The following NINJ2 variants were observed in gnomAD, a reference collection of about 807,000 sequenced individuals.
NINJ2 encodes ninjurin-2.
In NINJ2, 12 loss-of-function variants were observed where a neutral mutation model predicts 11.7. That is an observed-to-expected ratio of 1.02 (90% CI 0.66 to 1.66). NINJ2 has a LOEUF of 1.66. Among genes scored for constraint, NINJ2 ranks in the 40% most tolerant of loss-of-function variants. The pLI, the probability that NINJ2 is intolerant of heterozygous loss-of-function variation, is 0.00. For synonymous variants in NINJ2, 93 were observed against 76.8 expected, an observed-to-expected ratio of 1.21 and a Z score of -1.10; for missense variants, 187 against 181.8, an observed-to-expected ratio of 1.03 and a Z score of -0.16.
rs1361948539 is a variant in NINJ2 at position 614,531 on chromosome 12, G to T, written c.34-48353C>A. On this transcript the variant is annotated intron_variant, in intron 1 of 3. Coordinates refer to ENST00000305108, the MANE Select transcript of NINJ2 (RefSeq NM_016533.6). The surrounding 1 kb of genome is among the most constrained non-coding windows in gnomAD (Gnocchi z 5.1). Reference sequence around the variant, plus strand: ...GATGGCACTCTTCCCTCACAGTCCTGCCGGGCCTGGCTCCCTCCCTCTGTC... The same window carrying T: ...GATGGCACTCTTCCCTCACAGTCCTTCCGGGCCTGGCTCCCTCCCTCTGTC... Among the ~76,000 whole-genome samples, 1 of 152,178 alleles carries T rather than the reference G, an allele frequency of 6.6e-6. No homozygotes were observed. The highest frequency in any genetic ancestry group is 6.5e-5 in the Admixed American group (1 of 15,268).
chr12:601,735 G>A (rs141922526), intron 1 of NINJ2, among the ~76,000 whole-genome samples: 1,952 of 151,520 alleles, frequency 0.013, 24 homozygotes, highest in Non-Finnish European at 0.02. Flanking sequence ...GTGTGGTGGC[G>A]GGTGCCTGTA....
chr12:654,674 ACCTGAGGTTG>A (rs1249771816), intron 1 of NINJ2, among the ~76,000 whole-genome samples: 1 of 151,434 alleles, frequency 6.6e-6, no homozygotes, highest in South Asian at 2.1e-4. Context: ...TGGGTGGATC[ACCTGAGGTTG>A]GGAGTTCAAG....
intron 1 of NINJ2, among the ~76,000 whole-genome samples, chr12:658,475 C>T (rs1937905548): frequency 6.6e-6 from 1 of 152,070 alleles, no homozygotes; most frequent in African/African-American, 2.4e-5. Context: ...ACTTCAGTGC[C>T]ATTACTGAGT....
intron 1 of NINJ2, among the ~76,000 whole-genome samples, chr12:656,533 A>T (rs1937875612): frequency 6.6e-6 from 1 of 151,328 alleles, no homozygotes; most frequent in Non-Finnish European, 1.5e-5. Context: ...GGTGGATCAC[A>T]AGTTCAGGAG....
chr12:613,522 T>C (rs1215168722), intron 1 of NINJ2, among the ~76,000 whole-genome samples: 3 of 152,046 alleles, frequency 2.0e-5, no homozygotes, highest in Admixed American at 6.6e-5. Context: ...GGCAGGAGAA[T>C]TGCTTGAACT....
At chr12:659,053 A>AATAT (rs34183190) in intron 1 of NINJ2, among the ~76,000 whole-genome samples, 15 of 145,366 alleles carry the variant, frequency 1.0e-4, no homozygotes, top group South Asian at 4.3e-4. Flanking sequence ...TATTATATAT[A>AATAT]ATATATATAT....
intron 1 of NINJ2, among the ~76,000 whole-genome samples, chr12:636,052 G>A (rs912216434): frequency 1.1e-4 from 16 of 152,012 alleles, no homozygotes; most frequent in Non-Finnish European, 2.2e-4. Context: ...ACGCCAGCCC[G>A]GGCAACAGAG....
chr12:629,499 C>T (rs570254888), intron 1 of NINJ2, among the ~76,000 whole-genome samples: 1 of 152,264 alleles, frequency 6.6e-6, no homozygotes, highest in East Asian at 1.9e-4. Flanking sequence ...CATGACAGTC[C>T]AGCAAGCTTG....
At chr12:639,510 A>G (rs1407639930) in intron 1 of NINJ2, among the ~76,000 whole-genome samples, 1 of 151,942 alleles carries the variant, frequency 6.6e-6, no homozygotes, top group Non-Finnish European at 1.5e-5. Context: ...TGTATGCCTC[A>G]GTGATGGATG....
At chr12:583,771 C>T (rs1172814501) in intron 1 of NINJ2, among the ~76,000 whole-genome samples, 1 of 152,200 alleles carries the variant, frequency 6.6e-6, no homozygotes, top group African/African-American at 2.4e-5. Context: ...GGCTTGAGGA[C>T]GCGGACACTT....
intron 1 of NINJ2, among the ~76,000 whole-genome samples, chr12:588,471 A>G (rs1335626870): frequency 1.3e-5 from 2 of 152,240 alleles, no homozygotes; most frequent in Non-Finnish European, 2.9e-5. Flanking sequence ...AACCCTGCAC[A>G]GAACACTTTA....
At chr12:641,207 T>A (rs913882504) in intron 1 of NINJ2, among the ~76,000 whole-genome samples, 3 of 152,216 alleles carry the variant, frequency 2.0e-5, no homozygotes, top group African/African-American at 7.2e-5. Context: ...TTTTCAAAAC[T>A]ACCGCTTCTC....
intron 1 of NINJ2, among the ~76,000 whole-genome samples, chr12:588,059 C>A (rs1947665126): frequency 6.6e-6 from 1 of 152,012 alleles, no homozygotes; most frequent in Admixed American, 6.5e-5. Context: ...AGTGTATCAT[C>A]CTTCCACTAT....
chr12:593,700 T>A (rs1214233310), intron 1 of NINJ2, among the ~76,000 whole-genome samples: 2 of 150,098 alleles, frequency 1.3e-5, no homozygotes, highest in Non-Finnish European at 3.0e-5. Flanking sequence ...GATGACAGAG[T>A]GAGACCCTGT....
At chr12:650,080 ATTT>A (rs11400576) in intron 1 of NINJ2, among the ~76,000 whole-genome samples, 1 of 144,220 alleles carries the variant, frequency 6.9e-6, no homozygotes. Flanking sequence ...AGATTAGTAG[ATTT>A]TTTTTTTTTT....
chr12:574,854 G>T (rs1482230112), intron 1 of NINJ2, among the ~76,000 whole-genome samples: 1 of 152,248 alleles, frequency 6.6e-6, no homozygotes, highest in Non-Finnish European at 1.5e-5. Context: ...ACCCTAGCTG[G>T]TCCTCCTCTG....
intron 1 of NINJ2, chr12:610,778 G>A (rs528875191): frequency 1.7e-5 from 5 of 293,574 alleles, no homozygotes; most frequent in African/African-American, 1.3e-4. Flanking sequence ...TTGTTGCCCA[G>A]GCTGGAGTGC....
intron 1 of NINJ2, among the ~76,000 whole-genome samples, chr12:658,706 C>T (rs921722834): frequency 6.6e-6 from 1 of 150,708 alleles, no homozygotes; most frequent in Non-Finnish European, 1.5e-5. Context: ...CTATGCTATG[C>T]TATGCTATGC....
intron 1 of NINJ2, among the ~76,000 whole-genome samples, chr12:616,375 G>A (rs912417918): frequency 1.3e-5 from 2 of 152,210 alleles, no homozygotes; most frequent in African/African-American, 4.8e-5. Context: ...CTTGCATTCT[G>A]CTGAATATTC....
Sources: allele counts gnomAD v4.1 joint callset (sites outside exome capture counted in the v4.1 genomes callset), GRCh38; gene constraint gnomAD v4.1.1; non-coding constraint Gnocchi (gnomAD v3.1); transcripts MANE v1.5; gene names NCBI Gene and HGNC (gene_info 2026-07-23, HGNC 2026-07-21).